The following MAPKAP1 variants were observed in gnomAD, a reference collection of about 807,000 sequenced individuals.
MAPKAP1 encodes target of rapamycin complex 2 subunit MAPKAP1.
Under a neutral mutation model 65.7 loss-of-function variants are expected in MAPKAP1, and 20 were observed. That is an observed-to-expected ratio of 0.30 (90% CI 0.21 to 0.44). The LOEUF is 0.44. MAPKAP1 is among the 20% of genes least tolerant of loss of function. The pLI, the probability that MAPKAP1 is intolerant of heterozygous loss-of-function variation, is 1.00. For synonymous variants in MAPKAP1, 222 were observed against 244.3 expected (o/e 0.91, Z 0.85); for missense variants, 423 against 648.0 (o/e 0.65, Z 3.77).
intron 8 of MAPKAP1, among the ~76,000 whole-genome samples, chr9:125,496,120 AAAG>A (rs1854935148): frequency 6.6e-6 from 1 of 152,302 alleles, no homozygotes; most frequent in East Asian, 1.9e-4. Flanking sequence ...TGAGGCCCAC[AAAG>A]AAGGAGGACT....
chr9:125,689,436 G>GGAAA (rs1427465442), intron 1 of MAPKAP1, among the ~76,000 whole-genome samples: 5 of 15,264 alleles, frequency 3.3e-4, no homozygotes, highest in African/African-American at 1.1e-3. Context: ...CTCCATCTCG[G>GGAAA]AAAAAAAAAA....
At chr9:125,625,229 T>C (rs1833067596) in intron 4 of MAPKAP1, among the ~76,000 whole-genome samples, 1 of 42,430 alleles carries the variant, frequency 2.4e-5, no homozygotes, top group African/African-American at 7.6e-5. Context: ...CACCCAAGAA[T>C]TATCAATAAA....
chr9:125,535,858 C>T lies in MAPKAP1; in HGVS notation c.958+7201G>A, dbSNP rs572579027. 3.3e-3 allele frequency among the ~76,000 whole-genome samples: 497 copies of T among 151,888 alleles called. 1 individual carries two copies. The highest frequency in any genetic ancestry group is 5.2e-3 in the Non-Finnish European group (357 of 68,014). On this transcript the variant is annotated intron_variant, in intron 7 of 11. Transcript: ENST00000265960. ...CTGACTTCTAAGTGTGTGTGTGTGTCTCCCATACCACCACACAGCCTCTTG... is the reference window on the plus strand; with the variant it reads ...CTGACTTCTAAGTGTGTGTGTGTGTTTCCCATACCACCACACAGCCTCTTG...
chr9:125,592,877 T>C (rs1259757804), intron 4 of MAPKAP1, among the ~76,000 whole-genome samples: 2 of 113,860 alleles, frequency 1.8e-5, no homozygotes, highest in Non-Finnish European at 3.3e-5. Flanking sequence ...CAGTCCAGCC[T>C]GGGCGAAAGA....
intron 10 of MAPKAP1, among the ~76,000 whole-genome samples, chr9:125,455,202 T>C (rs892145006): frequency 6.6e-6 from 1 of 152,220 alleles, no homozygotes; most frequent in Non-Finnish European, 1.5e-5. Flanking sequence ...AACTCATTGA[T>C]AAAATGGGAA....
At chr9:125,618,894 G>C (rs1400175100) in intron 4 of MAPKAP1, among the ~76,000 whole-genome samples, 1 of 152,182 alleles carries the variant, frequency 6.6e-6, no homozygotes, top group Non-Finnish European at 1.5e-5. Context: ...CACTTCAGGA[G>C]GCCAAGGCAA....
intron 4 of MAPKAP1, among the ~76,000 whole-genome samples, chr9:125,636,943 T>C (rs1313204886): frequency 6.6e-6 from 1 of 152,222 alleles, no homozygotes; most frequent in African/African-American, 2.4e-5. Context: ...ATGATCTGAT[T>C]AGAAATGCCA....
chr9:125,522,923 C>T (rs570750488), intron 7 of MAPKAP1, among the ~76,000 whole-genome samples: 28 of 152,300 alleles, frequency 1.8e-4, no homozygotes, highest in Non-Finnish European at 4.1e-4. Context: ...AGACTGACTC[C>T]GTCAGCTTGT....
At chr9:125,499,030 A>G (rs1828894636) in intron 8 of MAPKAP1, among the ~76,000 whole-genome samples, 2 of 152,228 alleles carry the variant, frequency 1.3e-5, no homozygotes, top group Non-Finnish European at 1.5e-5. Flanking sequence ...CTGTATGATT[A>G]TTAGAGCTTA....
intron 8 of MAPKAP1, among the ~76,000 whole-genome samples, chr9:125,489,752 G>C (rs1465271148): frequency 2.0e-5 from 3 of 152,190 alleles, no homozygotes; most frequent in Non-Finnish European, 4.4e-5. Flanking sequence ...AAGGAGGCAG[G>C]TGGAGTCTAG....
intron 1 of MAPKAP1, among the ~76,000 whole-genome samples, chr9:125,686,948 T>C (rs970267418): frequency 6.6e-6 from 1 of 151,762 alleles, no homozygotes; most frequent in African/African-American, 2.4e-5. Context: ...TGCCTCAGCC[T>C]CCCAAGTAGC....
chr9:125,629,000 A>C (rs553458771), intron 4 of MAPKAP1, among the ~76,000 whole-genome samples: 6 of 152,104 alleles, frequency 3.9e-5, no homozygotes, highest in African/African-American at 1.4e-4. Context: ...AGAAACACGA[A>C]TTGAAACCAC....
At position 125,491,065 on chromosome 9, in the gene MAPKAP1, T is replaced by C. The variant is rs913305005; in HGVS notation, c.1067-6482A>G. On this transcript the variant is annotated intron_variant, in intron 8 of 11. Coordinates refer to ENST00000265960, the MANE Select transcript of MAPKAP1 (RefSeq NM_001006617.3). ...AGGCAGGAGAATCGCTTGAAGCCAG[T>C]AGGCGGAGGCTGAAGTGAGAGCTGA... Among the ~76,000 whole-genome samples the C allele has an allele frequency of 2.0e-5, 3 of 148,252 alleles. No individual in the cohort carries two copies. In the Admixed American group the frequency reaches 2.0e-4, roughly 10 times the overall value.
At chr9:125,543,615 C>T (rs1326645513) in intron 6 of MAPKAP1, among the ~76,000 whole-genome samples, 2 of 152,056 alleles carry the variant, frequency 1.3e-5, no homozygotes, top group African/African-American at 2.4e-5. Flanking sequence ...TACTGAGGTG[C>T]CAATTATTTA....
chr9:125,535,608 T>C (rs1830052295), intron 7 of MAPKAP1, among the ~76,000 whole-genome samples: 1 of 152,084 alleles, frequency 6.6e-6, no homozygotes, highest in Non-Finnish European at 1.5e-5. Context: ...CATGTTAGAG[T>C]TGAGGAAAGC....
intron 5 of MAPKAP1, among the ~76,000 whole-genome samples, chr9:125,584,061 T>A (rs1242343722): frequency 6.8e-6 from 1 of 147,928 alleles, no homozygotes; most frequent in African/African-American, 2.5e-5. Context: ...AGACTCCGTC[T>A]CCAAAAAAAA....
At chr9:125,552,670 C>T (rs928257795) in intron 6 of MAPKAP1, among the ~76,000 whole-genome samples, 1 of 152,182 alleles carries the variant, frequency 6.6e-6, no homozygotes, top group Non-Finnish European at 1.5e-5. Flanking sequence ...CTATGTAACA[C>T]TTCCTACATG....
chr9:125,522,924 G>A (rs1416965552), intron 7 of MAPKAP1, among the ~76,000 whole-genome samples: 3 of 152,016 alleles, frequency 2.0e-5, no homozygotes, highest in South Asian at 2.1e-4. Flanking sequence ...GACTGACTCC[G>A]TCAGCTTGTC....
intron 4 of MAPKAP1, among the ~76,000 whole-genome samples, chr9:125,639,487 T>G (rs1383921275): frequency 2.0e-5 from 3 of 152,214 alleles, no homozygotes; most frequent in Non-Finnish European, 4.4e-5. Flanking sequence ...TCTCAATATA[T>G]GCTTGTTGTC....
Sources: gnomAD v4.1 joint callset for allele counts (sites outside exome capture counted in the v4.1 genomes callset) on GRCh38, gnomAD v4.1.1 for gene constraint, MANE v1.5 for transcripts, NCBI Gene and HGNC (gene_info 2026-07-23, HGNC 2026-07-21) for gene names.